Variants in ARHGAP15 observed in about 807,000 individuals in gnomAD.
ARHGAP15 encodes Rho GTPase activating protein 15, also known as rho GTPase-activating protein 15.
A neutral mutation model predicts 63.7 loss-of-function variants in ARHGAP15; 51 were observed. That is an observed-to-expected ratio of 0.80 (90% CI 0.64 to 1.01). The LOEUF (loss-of-function observed/expected upper bound fraction) is 1.01. Ranked by LOEUF, ARHGAP15 falls within the 50% of genes least tolerant of loss-of-function variation. The pLI, the probability that ARHGAP15 is intolerant of heterozygous loss-of-function variation, is 0.00. For missense variants in ARHGAP15, 560 were observed against 564.6 expected (o/e 0.99, Z 0.08); for synonymous variants, 191 against 193.8 (o/e 0.99, Z 0.12).
intron 9 of ARHGAP15, among the ~76,000 whole-genome samples, chr2:143,509,474 G>A (rs1693480974): frequency 1.3e-5 from 2 of 152,136 alleles, no homozygotes; most frequent in Admixed American, 6.5e-5. Context: ...AAGCCCCAAA[G>A]CATCATAAGT....
At chr2:143,242,031 G>T (rs1693881672) in intron 5 of ARHGAP15, among the ~76,000 whole-genome samples, 2 of 152,166 alleles carry the variant, frequency 1.3e-5, no homozygotes, top group Admixed American at 1.3e-4. Flanking sequence ...CCCATTTCCT[G>T]CACTTTTCCC....
At chr2:143,713,089 A>G (rs1007122382) in intron 13 of ARHGAP15, among the ~76,000 whole-genome samples, 2 of 152,308 alleles carry the variant, frequency 1.3e-5, no homozygotes, top group South Asian at 4.1e-4. Flanking sequence ...GGTAACATCA[A>G]CTACGTAAGC....
At chr2:143,183,123 C>T (rs927304161) in intron 2 of ARHGAP15, among the ~76,000 whole-genome samples, 1 of 152,184 alleles carries the variant, frequency 6.6e-6, no homozygotes, top group Non-Finnish European at 1.5e-5. Flanking sequence ...GACTTTGAGA[C>T]TTGAGAGGCT....
chr2:143,421,943 ACTT>A (rs1189846942), intron 6 of ARHGAP15, among the ~76,000 whole-genome samples: 2 of 152,052 alleles, frequency 1.3e-5, no homozygotes, highest in African/African-American at 4.8e-5. Context: ...GGCAATGATT[ACTT>A]CTTAACATGT....
At chr2:143,419,003 T>A (rs1429710041) in intron 6 of ARHGAP15, among the ~76,000 whole-genome samples, 1 of 152,172 alleles carries the variant, frequency 6.6e-6, no homozygotes, top group Non-Finnish European at 1.5e-5. Flanking sequence ...ACAAAAATAA[T>A]TTCATTAAAA....
chr2:143,356,921 G>A (rs538692737), intron 6 of ARHGAP15, among the ~76,000 whole-genome samples: 2 of 152,232 alleles, frequency 1.3e-5, no homozygotes, highest in Admixed American at 6.5e-5. Flanking sequence ...CACGCCATCC[G>A]TCAATTTATT....
chr2:143,441,949 T>C (rs1332442425), intron 8 of ARHGAP15, among the ~76,000 whole-genome samples: 2 of 152,190 alleles, frequency 1.3e-5, no homozygotes, highest in Non-Finnish European at 2.9e-5. Flanking sequence ...TTAGGGTATA[T>C]GTATTTAAAT....
At chr2:143,231,754 G>A (rs1481309072) in intron 5 of ARHGAP15, among the ~76,000 whole-genome samples, 1 of 152,210 alleles carries the variant, frequency 6.6e-6, no homozygotes, top group Non-Finnish European at 1.5e-5. Context: ...TGGTTTTGGA[G>A]GCTGGGAAGT....
At chr2:143,712,863 T>C (rs1021420105) in intron 13 of ARHGAP15, among the ~76,000 whole-genome samples, 3 of 151,380 alleles carry the variant, frequency 2.0e-5, no homozygotes, top group African/African-American at 7.3e-5. Flanking sequence ...TGATATTCTA[T>C]AGCATAGCCA....
chr2:143,142,478 C>A (rs1216041677), intron 1 of ARHGAP15, among the ~76,000 whole-genome samples: 1 of 151,966 alleles, frequency 6.6e-6, no homozygotes, highest in Non-Finnish European at 1.5e-5. Flanking sequence ...TGCTGCCAAC[C>A]CTCCCCAAAG....
At chr2:143,304,304 G>C (rs1401517768) in intron 6 of ARHGAP15, among the ~76,000 whole-genome samples, 2 of 152,126 alleles carry the variant, frequency 1.3e-5, no homozygotes, top group Non-Finnish European at 2.9e-5. Context: ...GTCCTCTGTA[G>C]GGACATGGAT....
At chr2:143,542,547 T>C (rs1448110576) in intron 10 of ARHGAP15, among the ~76,000 whole-genome samples, 1 of 150,884 alleles carries the variant, frequency 6.6e-6, no homozygotes, top group East Asian at 1.9e-4. Flanking sequence ...TTTTAATGGC[T>C]GAATAGTATT....
chr2:143,341,133 G>A (rs1255208383), intron 6 of ARHGAP15, among the ~76,000 whole-genome samples: 1 of 151,860 alleles, frequency 6.6e-6, no homozygotes, highest in Non-Finnish European at 1.5e-5. Context: ...TGCTTTTGTG[G>A]TCCTGTCACA....
chr2:143,440,207 G>A (rs955909259), intron 8 of ARHGAP15, among the ~76,000 whole-genome samples: 2 of 152,062 alleles, frequency 1.3e-5, no homozygotes, highest in Non-Finnish European at 2.9e-5. Flanking sequence ...TTGAAATAGT[G>A]ATTGACATGT....
At chr2:143,261,534 A>G (rs1680724730) in intron 6 of ARHGAP15, among the ~76,000 whole-genome samples, 1 of 150,690 alleles carries the variant, frequency 6.6e-6, no homozygotes, top group Non-Finnish European at 1.5e-5. Context: ...TTTTTAGTAG[A>G]GACGGGGTTT....
chr2:143,626,427 G>T (rs1483038072), intron 12 of ARHGAP15, among the ~76,000 whole-genome samples: 1 of 152,132 alleles, frequency 6.6e-6, no homozygotes, highest in East Asian at 1.9e-4. Context: ...CTGACTTCAA[G>T]AATGGAGCCG....
chr2:143,477,240 AG>A (rs559105030), intron 8 of ARHGAP15, among the ~76,000 whole-genome samples: 1 of 151,828 alleles, frequency 6.6e-6, no homozygotes, highest in African/African-American at 2.4e-5. Context: ...ACAGCAGCTA[AG>A]GGTCTAATCT....
intron 12 of ARHGAP15, among the ~76,000 whole-genome samples, chr2:143,697,496 G>A (rs1574854785): frequency 6.6e-6 from 1 of 152,114 alleles, no homozygotes; most frequent in East Asian, 1.9e-4. Flanking sequence ...CAAGCAACTT[G>A]CCCAAAATCA....
At chr2:143,403,634 C>T (rs1408351254) in intron 6 of ARHGAP15, among the ~76,000 whole-genome samples, 2 of 151,560 alleles carry the variant, frequency 1.3e-5, no homozygotes, top group Non-Finnish European at 2.9e-5. Flanking sequence ...GCATGCCCAG[C>T]AATGGAAGAA....
Sources: allele counts gnomAD v4.1 joint callset (sites outside exome capture counted in the v4.1 genomes callset), GRCh38; gene constraint gnomAD v4.1.1; transcripts MANE v1.5; gene names NCBI Gene and HGNC (gene_info 2026-07-23, HGNC 2026-07-21).